Variants in B3GAT3 observed in about 807,000 individuals in gnomAD.
B3GAT3 encodes galactosylgalactosylxylosylprotein 3-beta-glucuronosyltransferase 3.
In B3GAT3, 19 loss-of-function variants were observed where a neutral mutation model predicts 33.1. That is an observed-to-expected ratio of 0.57 (90% CI 0.40 to 0.84). The LOEUF is 0.84. B3GAT3 is among the 40% of genes least tolerant of loss of function. B3GAT3 has a pLI of 0.00. For missense variants in B3GAT3, 344 were observed against 441.5 expected (o/e 0.78, Z 1.98); for synonymous variants, 167 against 193.5 (o/e 0.86, Z 1.14).
intron 4 of B3GAT3, chr11:62,616,198 T>C (rs1437390312): frequency 1.7e-5 from 9 of 540,766 alleles, no homozygotes; most frequent in African/African-American, 3.8e-5. Context: ...AAGCCAAGAT[T>C]GCGCTACTGC....
intron 2 of B3GAT3, among the ~76,000 whole-genome samples, chr11:62,617,896 C>G (rs7122950): frequency 2.0e-5 from 3 of 149,044 alleles, no homozygotes; most frequent in Non-Finnish European, 3.0e-5. Context: ...AAAAAAAAGG[C>G]CGGGCATGTT....
chr11:62,621,282 A>G (rs1214843550), intron 1 of B3GAT3: 1 of 456,648 alleles, frequency 2.2e-6, no homozygotes, highest in African/African-American at 2.0e-5. Flanking sequence ...TGTTTAGTGG[A>G]GGAAGCAGAC....
At chr11:62,617,841 C>T (rs1943064184) in intron 2 of B3GAT3, among the ~76,000 whole-genome samples, 1 of 149,494 alleles carries the variant, frequency 6.7e-6, no homozygotes, top group Admixed American at 6.7e-5. Flanking sequence ...CGCACCATTT[C>T]ACTCCAGCCT....
At position 62,618,811 on chromosome 11, in the gene B3GAT3, A is replaced by G. The variant is rs187208480; in HGVS notation, c.258-1464T>C. On this transcript the variant is annotated intron_variant, in intron 2 of 4. Transcript: ENST00000265471. The stretch of plus-strand genomic sequence containing the variant: ...AGCCTGGCCAACATGGTGAAACCCC[A>G]TCTCTACTAAAGATACAAAAAATTA... Among the ~76,000 whole-genome samples, 1,506 of 151,642 alleles carry G rather than the reference A, an allele frequency of 9.9e-3. 26 individuals are homozygous for G. Among genetic ancestry groups the G allele is most frequent in the African/African-American group, 0.035 (1,440 of 41,308 alleles).
rs1341591342 is a variant in B3GAT3, at chr11:62,616,720, T to C, written c.695A>G (p.Gln232Arg). The part of the protein sequence containing the change: ...GGLRFEGPQV[Q>R]DGRVVGFHTA... ...GTGGAAGCCCACTACCCGGCCGTCC[T>C]GTACCTGAGGGCCCTCGAATCGCAG... Residue 232 changes from glutamine (Q) to arginine (R), a missense_variant, in exon 4 of 5, where the codon CAG becomes CGG. Transcript: ENST00000265471. The C allele has an allele frequency of 3.1e-6, 5 of 1,613,984 alleles. No homozygotes were observed. The African/African-American group carries it at 5.3e-5, about 17-fold the overall frequency.
At chr11:62,620,396 G>C in intron 2 of B3GAT3, 101 bp downstream of exon 2, 1 of 1,116,616 alleles carries the variant, frequency 9.0e-7, no homozygotes, top group East Asian at 2.4e-5. Flanking sequence ...GCATGCTCTA[G>C]TTTGAGGAAC....
At chr11:62,621,836 C>T (rs1943151292) in intron 1 of B3GAT3, 30 bp downstream of exon 1, 1 of 1,595,536 alleles carries the variant, frequency 6.3e-7, no homozygotes, top group South Asian at 1.1e-5. Flanking sequence ...CTCGGGCCAG[C>T]CCGCCGCACC....
chr11:62,620,821 C>A, intron 1 of B3GAT3, 150 bp from the exon 2 acceptor site: 2 of 712,114 alleles, frequency 2.8e-6, no homozygotes, highest in South Asian at 3.7e-5. Context: ...CTATACCTCT[C>A]GTGTGGGAAA....
chr11:62,616,585 CG>C lies in B3GAT3; in HGVS notation c.829del (p.Arg277GlyfsTer9). ...CAGAAGACTGCTCTCCAGGTGGCCC[CG>C]GGGAGCGGTGGAATCAAATTGGGCA... ...PNAQFDSTAP[R>X]GHLESSLLSH... On this transcript the variant is annotated frameshift_variant, in exon 4 of 5. Transcript: ENST00000265471. LOFTEE classifies it high-confidence loss of function. 6.2e-7 allele frequency: 1 copy of C among 1,614,200 alleles called. No individual in the cohort carries two copies. Among genetic ancestry groups the C allele is most frequent in the African/African-American group, 1.3e-5 (1 of 75,050 alleles).
intron 2 of B3GAT3, among the ~76,000 whole-genome samples, chr11:62,619,120 C>T (rs1244929876): frequency 6.6e-6 from 1 of 151,868 alleles, no homozygotes; most frequent in African/African-American, 2.4e-5. Flanking sequence ...CACTGCACTC[C>T]AGCCTGGGCA....
intron 1 of B3GAT3, 81 bp downstream of exon 1, chr11:62,621,785 G>A (rs1271038484): frequency 7.1e-7 from 1 of 1,400,918 alleles, no homozygotes. Flanking sequence ...GGTGTTTGCC[G>A]GGGGTTCATC....
At position 62,621,758 on chromosome 11, in the gene B3GAT3, G is replaced by T. The variant is rs922918159; in HGVS notation, c.82+108C>A. On this transcript the variant is annotated intron_variant, in intron 1 of 4. Coordinates refer to ENST00000265471, the MANE Select transcript of B3GAT3 (RefSeq NM_012200.4). Reference sequence around the variant, plus strand: ...GCCTGAGGCCGCAGAGCTGTCCGGAGGGCCGAGCGGATGAATGGTGTTTGC... The same window carrying T: ...GCCTGAGGCCGCAGAGCTGTCCGGATGGCCGAGCGGATGAATGGTGTTTGC... 61 of 1,225,710 alleles carry T rather than the reference G, an allele frequency of 5.0e-5. No individual in the cohort carries two copies. In the African/African-American group the frequency reaches 8.1e-4, roughly 16 times the overall value. 75.9% of individuals were successfully genotyped at this position (1,225,710 alleles called of 1,614,324 possible).
chr11:62,621,245 C>T (rs1472193571), intron 1 of B3GAT3: 4 of 456,550 alleles, frequency 8.8e-6, no homozygotes, highest in African/African-American at 6.0e-5. Context: ...ACAAAACAGA[C>T]ACAGTCCCTG....
chr11:62,617,599 C>G (rs781238653), intron 2 of B3GAT3: 48 of 579,218 alleles, frequency 8.3e-5, no homozygotes, highest in Non-Finnish European at 1.4e-4. Context: ...GGCACAGGGC[C>G]GGGCATGGTG....
At chr11:62,621,263 C>T (rs1430352228) in intron 1 of B3GAT3, 1 of 456,498 alleles carries the variant, frequency 2.2e-6, no homozygotes, top group Non-Finnish European at 4.4e-6. Flanking sequence ...CTGCCCTCAT[C>T]GAGCTTTCTG....
At chr11:62,621,837 C>A (rs1337880920) in intron 1 of B3GAT3, 29 bp downstream of exon 1, 3 of 1,597,412 alleles carry the variant, frequency 1.9e-6, no homozygotes, top group Non-Finnish European at 2.6e-6. Context: ...TCGGGCCAGC[C>A]CGCCGCACCC....
Position 62,615,527 on chromosome 11 carries a change from G to C in B3GAT3, c.*174C>G. 4 of 1,225,116 alleles carry C rather than the reference G, an allele frequency of 3.3e-6. No homozygotes were observed. The highest frequency in any genetic ancestry group is 4.5e-6 in the Non-Finnish European group (4 of 882,554). The allele number at this position is 1,225,116 out of a possible 1,614,324, so 75.9% of individuals were successfully genotyped here. On this transcript the variant is annotated 3_prime_UTR_variant, in exon 5 of 5. Transcript: ENST00000265471. Reference sequence around the variant, plus strand: ...CCCCAGCCTGTGGGCAGTGCCACACGGCAGGCTAGGGGAGGGGTGAAGCAG... The same window carrying C: ...CCCCAGCCTGTGGGCAGTGCCACACCGCAGGCTAGGGGAGGGGTGAAGCAG...
chr11:62,616,772 C>G lies in B3GAT3; in HGVS notation c.643G>C (p.Val215Leu). ...EEMRWTRGVS[V>L]WPVGLVGGLR... ...CCGCCCACCAGCCCCACAGGCCACA[C>G]TGAGACACCACGGGTCCAGCGCATC... Residue 215 changes from valine (V) to leucine (L), a missense_variant, in exon 4 of 5, where the codon GTG (valine) becomes CTG (leucine). By Grantham distance (32) the Val-to-Leu change is conservative (BLOSUM62 1). Coordinates refer to ENST00000265471, the MANE Select transcript of B3GAT3 (RefSeq NM_012200.4). 1 of 1,614,120 alleles carries G rather than the reference C, an allele frequency of 6.2e-7. No homozygotes were observed. The highest frequency in any genetic ancestry group is 8.5e-7 in the Non-Finnish European group (1 of 1,180,014).
At chr11:62,616,077 A>T in intron 4 of B3GAT3, 1 of 927,292 alleles carries the variant, frequency 1.1e-6, no homozygotes, top group Non-Finnish European at 1.5e-6. Flanking sequence ...CCCCGTCACT[A>T]CTAAAAACAC....
Sources: allele counts gnomAD v4.1 joint callset (sites outside exome capture counted in the v4.1 genomes callset), GRCh38; gene constraint gnomAD v4.1.1; transcripts MANE v1.5; gene names NCBI Gene and HGNC (gene_info 2026-07-23, HGNC 2026-07-21).